ANKRD17: variants seen among roughly 807,000 people sequenced by gnomAD.
The protein encoded by ANKRD17 is ankyrin repeat domain-containing protein 17.
Under a neutral mutation model 229.7 loss-of-function variants are expected in ANKRD17, and 19 were observed. The ratio of observed to expected loss-of-function variants is 0.08; its 90% CI spans 0.06 to 0.12. The LOEUF (loss-of-function observed/expected upper bound fraction) is 0.12. Among genes scored for constraint, ANKRD17 ranks in the 10% least tolerant of loss-of-function variants. ANKRD17 has a pLI of 1.00. For missense variants in ANKRD17, 2,176 were observed against 3,176.8 expected (o/e 0.68, Z 7.57); for synonymous variants, 1,112 against 1,146.1 (o/e 0.97, Z 0.60).
chr4:73,125,812 A>T (rs936020810), intron 16 of ANKRD17, among the ~76,000 whole-genome samples: 12 of 152,114 alleles, frequency 7.9e-5, no homozygotes, highest in Non-Finnish European at 1.6e-4. Flanking sequence ...CGAGTTTTTT[A>T]AAAAGGCTAC....
intron 16 of ANKRD17, among the ~76,000 whole-genome samples, chr4:73,129,963 C>T (rs1010629936): frequency 1.3e-5 from 2 of 151,794 alleles, no homozygotes; most frequent in African/African-American, 4.8e-5. Context: ...GACAAGGTTT[C>T]ACGGTGTTAG....
chr4:73,137,577 C>A (rs931732903), intron 15 of ANKRD17, among the ~76,000 whole-genome samples: 4 of 152,082 alleles, frequency 2.6e-5, no homozygotes, highest in African/African-American at 9.7e-5. Context: ...ATTGAGGCTG[C>A]AAAAGTCAGT....
chr4:73,250,611 A>AAAAC lies in ANKRD17; in HGVS notation c.393+7664_393+7665insGTTT, dbSNP rs1344786658. On this transcript the variant is annotated intron_variant, in intron 1 of 33. Coordinates refer to ENST00000358602, the MANE Select transcript of ANKRD17 (RefSeq NM_032217.5). ...TCTCAAAAAAAAAAAAAAAAAAAAA[A>AAAAC]AAAACAGAAAAAAAGAGTTGTTTTT... 1.2e-3 allele frequency among the ~76,000 whole-genome samples: 184 copies of AAAAC among 149,160 alleles called. 6 individuals are homozygous for AAAAC. Among genetic ancestry groups the AAAAC allele is most frequent in the African/African-American group, 4.3e-3 (171 of 39,942 alleles).
At chr4:73,256,607 T>A (rs1213410247) in intron 1 of ANKRD17, among the ~76,000 whole-genome samples, 1 of 152,224 alleles carries the variant, frequency 6.6e-6, no homozygotes, top group Non-Finnish European at 1.5e-5. Flanking sequence ...CTTGTTTTCC[T>A]CCTTTTTAAA....
intron 16 of ANKRD17, among the ~76,000 whole-genome samples, chr4:73,133,658 T>A (rs141922887): frequency 0.1 from 15,237 of 152,058 alleles, 895 homozygotes; most frequent in South Asian, 0.14. Flanking sequence ...CCTCCCAAAG[T>A]GCTGGGATTA....
intron 6 of ANKRD17, among the ~76,000 whole-genome samples, chr4:73,151,774 T>C (rs1731027446): frequency 6.6e-6 from 1 of 152,140 alleles, no homozygotes; most frequent in African/African-American, 2.4e-5. Context: ...AAAGATGCCA[T>C]TAAAATCCAA....
intron 1 of ANKRD17, among the ~76,000 whole-genome samples, chr4:73,201,032 T>C (rs1201189509): frequency 6.6e-6 from 1 of 150,830 alleles, no homozygotes; most frequent in African/African-American, 2.5e-5. Flanking sequence ...ACTGCATGTA[T>C]TACAATATAA....
At chr4:73,138,745 C>G (rs936223753) in intron 15 of ANKRD17, among the ~76,000 whole-genome samples, 23 of 152,040 alleles carry the variant, frequency 1.5e-4, no homozygotes, top group African/African-American at 5.5e-4. Context: ...TGGTTCACAA[C>G]CCTATAAAAC....
intron 24 of ANKRD17, chr4:73,112,969 G>T: frequency 1.9e-6 from 1 of 534,532 alleles, no homozygotes; most frequent in Non-Finnish European, 2.5e-6. Flanking sequence ...CGTATTTTTG[G>T]TAGAGACGGT....
chr4:73,133,142 C>T (rs1029487443), intron 16 of ANKRD17, among the ~76,000 whole-genome samples: 8 of 151,906 alleles, frequency 5.3e-5, no homozygotes, highest in African/African-American at 1.9e-4. Context: ...CCCAGCTACT[C>T]AGGAGGCTGA....
intron 1 of ANKRD17, among the ~76,000 whole-genome samples, chr4:73,187,231 A>G (rs963303284): frequency 1.3e-5 from 2 of 152,236 alleles, no homozygotes; most frequent in African/African-American, 4.8e-5. Flanking sequence ...TATGAAATTT[A>G]AAAGCCACAA....
intron 1 of ANKRD17, among the ~76,000 whole-genome samples, chr4:73,243,780 C>T (rs1027800192): frequency 7.2e-5 from 11 of 152,140 alleles, no homozygotes; most frequent in East Asian, 1.9e-4. Flanking sequence ...GATATGGCTG[C>T]GTAAGAAATT....
intron 1 of ANKRD17, among the ~76,000 whole-genome samples, chr4:73,181,992 G>A (rs1735621274): frequency 7.8e-6 from 1 of 128,872 alleles, no homozygotes; most frequent in Non-Finnish European, 1.5e-5. Context: ...AGGTTGCAGT[G>A]AGCCGAGATC....
chr4:73,147,757 AATGATG>A (rs201108365), intron 8 of ANKRD17, among the ~76,000 whole-genome samples: 1 of 151,862 alleles, frequency 6.6e-6, no homozygotes, highest in Non-Finnish European at 1.5e-5. Flanking sequence ...TACTGGTGAT[AATGATG>A]ATGATGATGA....
intron 29 of ANKRD17, among the ~76,000 whole-genome samples, chr4:73,089,852 T>C (rs1722611284): frequency 6.6e-6 from 1 of 152,184 alleles, no homozygotes; most frequent in Non-Finnish European, 1.5e-5. Context: ...CACAAGTGTT[T>C]TTTAAGCACT....
intron 1 of ANKRD17, among the ~76,000 whole-genome samples, chr4:73,246,450 G>A (rs748993076): frequency 2.6e-5 from 4 of 152,122 alleles, no homozygotes; most frequent in Non-Finnish European, 2.9e-5. Context: ...TGTAGTAACT[G>A]GATGGGACTT....
At chr4:73,226,666 T>C (rs906178325) in intron 1 of ANKRD17, among the ~76,000 whole-genome samples, 1 of 151,330 alleles carries the variant, frequency 6.6e-6, no homozygotes, top group Non-Finnish European at 1.5e-5. Flanking sequence ...GTGCTGGGAT[T>C]ACAGGCGTGA....
chr4:73,129,761 C>CTTT (rs768232283), intron 16 of ANKRD17, among the ~76,000 whole-genome samples: 1 of 134,158 alleles, frequency 7.5e-6, no homozygotes, highest in African/African-American at 2.8e-5. Context: ...CTATTAATTA[C>CTTT]TTTTTTTTTT....
intron 18 of ANKRD17, among the ~76,000 whole-genome samples, chr4:73,124,593 T>A (rs1374840753): frequency 6.6e-6 from 1 of 152,206 alleles, no homozygotes; most frequent in Non-Finnish European, 1.5e-5. Flanking sequence ...TGCCATGTAC[T>A]ATAGGGCAGG....
Sources: allele counts gnomAD v4.1 joint callset (sites outside exome capture counted in the v4.1 genomes callset), GRCh38; gene constraint gnomAD v4.1.1; transcripts MANE v1.5; gene names NCBI Gene and HGNC (gene_info 2026-07-23, HGNC 2026-07-21).